Variants in AP1G1 observed in about 807,000 individuals in gnomAD.
The protein encoded by AP1G1 is AP-1 complex subunit gamma-1.
In AP1G1, 7 loss-of-function variants were observed where a neutral mutation model predicts 108.3. The ratio of observed to expected loss-of-function variants is 0.06; its 90% CI spans 0.04 to 0.12. AP1G1 has a LOEUF of 0.12. Ranked by LOEUF, AP1G1 falls within the 10% of genes least tolerant of loss-of-function variation. The pLI, the probability that AP1G1 is intolerant of heterozygous loss-of-function variation, is 1.00. For synonymous variants in AP1G1, 379 were observed against 353.5 expected (o/e 1.07, Z -0.81); for missense variants, 756 against 1,010.7 (o/e 0.75, Z 3.42).
At chr16:71,748,949 C>T (rs916402849) in intron 15 of AP1G1, among the ~76,000 whole-genome samples, 2 of 152,012 alleles carry the variant, frequency 1.3e-5, no homozygotes, top group African/African-American at 4.8e-5. Flanking sequence ...CTCTGTCACC[C>T]AGGCTGGAAT....
rs1403679491 is a variant in AP1G1, at chr16:71,730,285, T to C, written c.*2773A>G. The stretch of plus-strand genomic sequence containing the variant: ...TTTTGAGATTACTTAGATGAATTAA[T>C]TCTCCTTTAGGATTCCCCGGGATGG... On this transcript the variant is annotated 3_prime_UTR_variant, in exon 23 of 23. Transcript: ENST00000299980. 1 of 152,526 alleles carries C rather than the reference T, an allele frequency of 6.6e-6. No individual in the cohort carries two copies. Among genetic ancestry groups the C allele is most frequent in the Admixed American group, 6.5e-5 (1 of 15,276 alleles). 9.4% of individuals were successfully genotyped at this position (152,526 alleles called of 1,614,324 possible).
At chr16:71,760,540 C>T (rs1391946788) in intron 10 of AP1G1, among the ~76,000 whole-genome samples, 2 of 141,506 alleles carry the variant, frequency 1.4e-5, no homozygotes, top group African/African-American at 5.3e-5. Flanking sequence ...AGCGAAACTC[C>T]ATCTCAAAAA....
chr16:71,795,682 A>C (rs1297135347), intron 1 of AP1G1, among the ~76,000 whole-genome samples: 1 of 152,242 alleles, frequency 6.6e-6, no homozygotes, highest in African/African-American at 2.4e-5. Context: ...AAAAGCTTAA[A>C]TCAAATCAAC....
chr16:71,779,657 A>G (rs144041057), intron 2 of AP1G1, among the ~76,000 whole-genome samples: 248 of 152,246 alleles, frequency 1.6e-3, no homozygotes, highest in Non-Finnish European at 2.7e-3. Flanking sequence ...TCTTAATGTT[A>G]CAATTTTCTT....
chr16:71,786,941 G>T (rs1016123230), intron 2 of AP1G1, among the ~76,000 whole-genome samples: 1 of 150,918 alleles, frequency 6.6e-6, no homozygotes, highest in Non-Finnish European at 1.5e-5. Flanking sequence ...CCAGAAGGTC[G>T]AGGCTGCAGT....
rs902659118 is a variant in AP1G1, at chr16:71,808,804, CGGCAGCAGT to C, written c.-54_-46del. ...ATGAAACCAGCAGCTCCGGGGGCGG[CGGCAGCAGT>C]GGCAGCAGGAACCGAACATCCAAAA... On this transcript the variant is annotated 5_prime_UTR_variant, in exon 1 of 23. Transcript: ENST00000299980. The C allele has an allele frequency of 7.8e-7, 1 of 1,289,546 alleles. No individual in the cohort carries two copies. Among genetic ancestry groups the C allele is most frequent in the African/African-American group, 1.5e-5 (1 of 65,852 alleles). 79.9% of individuals were successfully genotyped at this position (1,289,546 alleles called of 1,614,324 possible). A position where few individuals can be genotyped will look rare whatever the true frequency, so the allele number is the denominator to read the frequency against.
At chr16:71,791,846 C>T (rs182239628) in intron 1 of AP1G1, among the ~76,000 whole-genome samples, 1 of 149,900 alleles carries the variant, frequency 6.7e-6, no homozygotes, top group Non-Finnish European at 1.5e-5. Flanking sequence ...ACTGCAACCT[C>T]CACCTCCTGG....
chr16:71,789,857 A>G (rs111630175), intron 1 of AP1G1, among the ~76,000 whole-genome samples: 106 of 152,368 alleles, frequency 7.0e-4, no homozygotes, highest in African/African-American at 2.5e-3. Flanking sequence ...GAAAAGATAG[A>G]TATTATCTGT....
intron 1 of AP1G1, among the ~76,000 whole-genome samples, chr16:71,793,658 CA>C (rs2032481003): frequency 1.3e-5 from 2 of 152,160 alleles, no homozygotes. Flanking sequence ...AAATTATAAA[CA>C]GTACCACAAT....
At chr16:71,773,199 C>T (rs368640727) in intron 4 of AP1G1, 22 bp downstream of exon 4, 1 of 1,611,318 alleles carries the variant, frequency 6.2e-7, no homozygotes, top group South Asian at 1.1e-5. Context: ...TCCAAACAGA[C>T]ATTTGGTTCA....
intron 10 of AP1G1, among the ~76,000 whole-genome samples, chr16:71,760,385 A>C (rs2145460230): frequency 6.6e-6 from 1 of 152,114 alleles, no homozygotes; most frequent in Non-Finnish European, 1.5e-5. Context: ...TCTACTAAAA[A>C]TACAAAAAAA....
At chr16:71,772,419 A>T (rs2031612207) in intron 4 of AP1G1, among the ~76,000 whole-genome samples, 1 of 152,188 alleles carries the variant, frequency 6.6e-6, no homozygotes, top group Admixed American at 6.5e-5. Flanking sequence ...ATGAGCCACC[A>T]TGCCCAGCCT....
intron 19 of AP1G1, among the ~76,000 whole-genome samples, chr16:71,744,762 G>C (rs2030083751): frequency 6.6e-6 from 1 of 151,998 alleles, no homozygotes; most frequent in Non-Finnish European, 1.5e-5. Context: ...TTTTAGTAGA[G>C]ATGGCGTTTC....
rs374284226 is a variant in AP1G1 at position 71,741,240 on chromosome 16, A to C, written c.2000-1899T>G. On this transcript the variant is annotated intron_variant, in intron 19 of 22. Coordinates refer to ENST00000299980, the MANE Select transcript of AP1G1 (RefSeq NM_001128.6). Reference sequence around the variant, plus strand: ...GCTAGAATATCATCTTTTTTTAAGAAATTGACAGCAAGAATGAGGGGGAAA... The same window carrying C: ...GCTAGAATATCATCTTTTTTTAAGACATTGACAGCAAGAATGAGGGGGAAA... Among the ~76,000 whole-genome samples the C allele has an allele frequency of 7.6e-4, 116 of 152,326 alleles. 4 individuals carry two copies. The East Asian group carries it at 0.021, about 27-fold the overall frequency.
chr16:71,792,797 T>A (rs35631928), intron 1 of AP1G1, among the ~76,000 whole-genome samples: 1 of 150,958 alleles, frequency 6.6e-6, no homozygotes, highest in South Asian at 2.1e-4. Context: ...GAGATTGCAG[T>A]GAGTCAAGAT....
intron 1 of AP1G1, among the ~76,000 whole-genome samples, chr16:71,795,281 TA>T (rs1567663601): frequency 2.0e-5 from 3 of 152,318 alleles, no homozygotes; most frequent in Non-Finnish European, 1.5e-5. Context: ...GCTCTAAATC[TA>T]AAAACAAAAT....
At chr16:71,766,354 CCTTT>C in intron 6 of AP1G1, 1 of 410,138 alleles carries the variant, frequency 2.4e-6, no homozygotes. Flanking sequence ...TCCTATCCTT[CCTTT>C]ACTTTATCCA....
At chr16:71,749,539 G>C (rs1365565305) in intron 15 of AP1G1, among the ~76,000 whole-genome samples, 2 of 151,486 alleles carry the variant, frequency 1.3e-5, no homozygotes, top group African/African-American at 2.4e-5. Context: ...TCAAAAAATG[G>C]CAGGTTTTCC....
At chr16:71,788,571 C>G (rs990201996) in intron 2 of AP1G1, among the ~76,000 whole-genome samples, 1 of 152,064 alleles carries the variant, frequency 6.6e-6, no homozygotes, top group African/African-American at 2.4e-5. Context: ...TGGCAACCAC[C>G]TAATTTCCTT....
Sources: allele counts gnomAD v4.1 joint callset (sites outside exome capture counted in the v4.1 genomes callset), GRCh38; gene constraint gnomAD v4.1.1; transcripts MANE v1.5; gene names NCBI Gene and HGNC (gene_info 2026-07-23, HGNC 2026-07-21).